SLC35F1: variants seen among roughly 807,000 people sequenced by gnomAD.
SLC35F1 encodes the protein solute carrier family 35 member F1.
A neutral mutation model predicts 48.7 loss-of-function variants in SLC35F1; 14 were observed. That is an observed-to-expected ratio of 0.29 (90% CI 0.19 to 0.45). The LOEUF is 0.45. Ranked by LOEUF, SLC35F1 falls within the 20% of genes least tolerant of loss-of-function variation. The pLI is 1.00. For synonymous variants in SLC35F1, 190 were observed against 202.2 expected, an observed-to-expected ratio of 0.94 and a Z score of 0.51; for missense variants, 404 against 500.0, an observed-to-expected ratio of 0.81 and a Z score of 1.83.
intron 1 of SLC35F1, among the ~76,000 whole-genome samples, chr6:117,917,828 T>C (rs1187063657): frequency 1.7e-5 from 2 of 114,570 alleles, no homozygotes; most frequent in Non-Finnish European, 4.3e-5. Context: ...GATGCATGTG[T>C]AGATAGAGAG....
At chr6:118,118,373 A>G (rs574769829) in intron 1 of SLC35F1, among the ~76,000 whole-genome samples, 2 of 152,326 alleles carry the variant, frequency 1.3e-5, no homozygotes, top group African/African-American at 4.8e-5. Flanking sequence ...TCATAGAGTG[A>G]TAAACTTGGC....
intron 1 of SLC35F1, among the ~76,000 whole-genome samples, chr6:117,923,505 ATACACATACATGTG>A (rs1775929762): frequency 3.2e-4 from 1 of 3,134 alleles, no homozygotes; most frequent in Non-Finnish European, 1.0e-3. Context: ...AAATATATAT[ATACACATACATGTG>A]TATATACACA....
chr6:118,186,291 C>T (rs1183091585), intron 2 of SLC35F1, among the ~76,000 whole-genome samples: 1 of 152,074 alleles, frequency 6.6e-6, no homozygotes, highest in Non-Finnish European at 1.5e-5. Flanking sequence ...CCCCCAAGCC[C>T]AGCACAGCAC....
intron 7 of SLC35F1, among the ~76,000 whole-genome samples, chr6:118,288,903 G>T (rs969209859): frequency 6.6e-6 from 1 of 152,020 alleles, no homozygotes; most frequent in African/African-American, 2.4e-5. Context: ...CCCACAAAAC[G>T]GTAGTACAAT....
At chr6:118,208,872 G>T (rs985887076) in intron 2 of SLC35F1, among the ~76,000 whole-genome samples, 1 of 152,088 alleles carries the variant, frequency 6.6e-6, no homozygotes, top group Non-Finnish European at 1.5e-5. Context: ...CTGCCCTTCT[G>T]TCTTCCACCC....
chr6:117,976,140 T>G (rs1009248587), intron 1 of SLC35F1, among the ~76,000 whole-genome samples: 2 of 152,232 alleles, frequency 1.3e-5, no homozygotes, highest in Non-Finnish European at 2.9e-5. Flanking sequence ...CTTTGTCTAG[T>G]GAGCACAATT....
intron 2 of SLC35F1, among the ~76,000 whole-genome samples, chr6:118,215,340 T>C (rs970887036): frequency 6.6e-5 from 10 of 152,046 alleles, no homozygotes; most frequent in African/African-American, 2.4e-4. Context: ...TTAAAATGTA[T>C]GTGAGAAAAG....
At chr6:117,923,306 G>A (rs979673311) in intron 1 of SLC35F1, among the ~76,000 whole-genome samples, 2 of 151,898 alleles carry the variant, frequency 1.3e-5, no homozygotes, top group African/African-American at 4.8e-5. Context: ...TGTGCTTGTG[G>A]CCTACAGGCA....
At chr6:118,115,994 G>A (rs905505856) in intron 1 of SLC35F1, among the ~76,000 whole-genome samples, 9 of 152,062 alleles carry the variant, frequency 5.9e-5, no homozygotes, top group South Asian at 2.1e-4. Context: ...AGATCTGTTC[G>A]AAGTCCATGG....
chr6:117,925,143 A>C (rs756198889), intron 1 of SLC35F1, among the ~76,000 whole-genome samples: 14 of 152,114 alleles, frequency 9.2e-5, no homozygotes, highest in Non-Finnish European at 2.1e-4. Context: ...TGGTTTTCTC[A>C]TCTAGTAAAT....
chr6:117,956,149 CTTT>C (rs1004072769), intron 1 of SLC35F1, among the ~76,000 whole-genome samples: 1 of 152,184 alleles, frequency 6.6e-6, no homozygotes, highest in African/African-American at 2.4e-5. Context: ...TATTACATGT[CTTT>C]TCTGCAGTTG....
chr6:118,078,572 T>A (rs1408499417), intron 1 of SLC35F1, among the ~76,000 whole-genome samples: 1 of 152,332 alleles, frequency 6.6e-6, no homozygotes, highest in Admixed American at 6.5e-5. Flanking sequence ...TCTTATTCTG[T>A]TCCTTGACTC....
chr6:118,292,895 C>G (rs1776142099), intron 7 of SLC35F1, among the ~76,000 whole-genome samples: 1 of 152,120 alleles, frequency 6.6e-6, no homozygotes, highest in South Asian at 2.1e-4. Context: ...TCTTACAAGA[C>G]TTTGAGAAGT....
intron 3 of SLC35F1, among the ~76,000 whole-genome samples, chr6:118,241,165 T>C (rs1775435291): frequency 6.6e-6 from 1 of 152,038 alleles, no homozygotes; most frequent in Non-Finnish European, 1.5e-5. Context: ...AAAACCTGAA[T>C]TTTTCTTAGG....
At chr6:118,273,840 C>A (rs1775887795) in intron 4 of SLC35F1, among the ~76,000 whole-genome samples, 1 of 152,190 alleles carries the variant, frequency 6.6e-6, no homozygotes, top group African/African-American at 2.4e-5. Flanking sequence ...CAGCTCCATT[C>A]CCTTGAGGAT....
chr6:118,231,782 TG>T (rs1221111496), intron 2 of SLC35F1, among the ~76,000 whole-genome samples: 2 of 152,318 alleles, frequency 1.3e-5, no homozygotes, highest in Admixed American at 6.5e-5. Flanking sequence ...TTCAGTGCTA[TG>T]TATTGAGATG....
At chr6:117,958,453 G>T (rs983767400) in intron 1 of SLC35F1, among the ~76,000 whole-genome samples, 2 of 152,116 alleles carry the variant, frequency 1.3e-5, no homozygotes, top group African/African-American at 4.8e-5. Context: ...GACTCACCCA[G>T]AGAAACTTCA....
intron 1 of SLC35F1, among the ~76,000 whole-genome samples, chr6:117,919,877 G>C (rs1775874388): frequency 2.0e-5 from 3 of 152,156 alleles, no homozygotes; most frequent in South Asian, 2.1e-4. Flanking sequence ...TGTGGTTCCT[G>C]AAAGAGAGTT....
chr6:118,101,741 C>T (rs150222663), intron 1 of SLC35F1, among the ~76,000 whole-genome samples: 2 of 151,958 alleles, frequency 1.3e-5, no homozygotes, highest in Non-Finnish European at 1.5e-5. Flanking sequence ...GGGGTGGGCT[C>T]GAAGGGAAGC....
Sources: gnomAD v4.1 joint callset for allele counts (sites outside exome capture counted in the v4.1 genomes callset) on GRCh38, gnomAD v4.1.1 for gene constraint, MANE v1.5 for transcripts, NCBI Gene and HGNC (gene_info 2026-07-23, HGNC 2026-07-21) for gene names.